AP1AR: variants seen among roughly 807,000 people sequenced by gnomAD.
AP1AR encodes adaptor related protein complex 1 associated regulatory protein.
AP1AR carries 29 observed loss-of-function variants against 46.3 expected under a neutral mutation model. That is an observed-to-expected ratio of 0.63 (90% confidence interval 0.47 to 0.85). AP1AR has a LOEUF of 0.85. Ranked by LOEUF, AP1AR falls within the 40% of genes least tolerant of loss-of-function variation. The pLI, the probability that AP1AR is intolerant of heterozygous loss-of-function variation, is 0.00. For synonymous variants in AP1AR, 122 were observed against 122.9 expected (o/e 0.99, Z 0.05); for missense variants, 357 against 356.3 (o/e 1.00, Z -0.02).
intron 1 of AP1AR, among the ~76,000 whole-genome samples, chr4:112,240,288 TTG>T (rs1465987540): frequency 6.6e-6 from 1 of 152,258 alleles, no homozygotes; most frequent in Admixed American, 6.5e-5. Flanking sequence ...TTCACTCATC[TTG>T]TAGATGCCAG....
At chr4:112,265,350 G>C (rs369918864) in intron 7 of AP1AR, 2 of 370,088 alleles carry the variant, frequency 5.4e-6, no homozygotes, top group East Asian at 4.7e-5. Flanking sequence ...TTATACCCCA[G>C]TTGTTTGTGT....
At chr4:112,264,544 GTTC>G (rs1216709806) in intron 6 of AP1AR, among the ~76,000 whole-genome samples, 1 of 152,112 alleles carries the variant, frequency 6.6e-6, no homozygotes, top group Non-Finnish European at 1.5e-5. Flanking sequence ...ACTCCCAACA[GTTC>G]TTCTAAATCT....
At chr4:112,234,296 G>GAGT (rs778357770) in intron 1 of AP1AR, among the ~76,000 whole-genome samples, 8 of 152,146 alleles carry the variant, frequency 5.3e-5, no homozygotes, top group Admixed American at 2.6e-4. Flanking sequence ...CATTTTCTTT[G>GAGT]AGTAACATGT....
intron 1 of AP1AR, among the ~76,000 whole-genome samples, chr4:112,246,537 G>A (rs1005663533): frequency 1.3e-5 from 2 of 152,112 alleles, no homozygotes; most frequent in African/African-American, 4.8e-5. Flanking sequence ...AATTTTGTTT[G>A]GGCAACCACA....
At chr4:112,261,703 G>C (rs1726449185) in intron 5 of AP1AR, among the ~76,000 whole-genome samples, 1 of 151,732 alleles carries the variant, frequency 6.6e-6, no homozygotes, top group African/African-American at 2.4e-5. Context: ...CAGCACTTTG[G>C]GAGACCTGTA....
At chr4:112,260,714 C>T in intron 4 of AP1AR, 52 bp from the exon 5 acceptor site, 7 of 1,195,972 alleles carry the variant, frequency 5.9e-6, no homozygotes, top group Non-Finnish European at 8.2e-6. Flanking sequence ...TGGACTTAGA[C>T]TCATCAGAAG....
chr4:112,232,197 C>CCGGCCCCCGTGGCTCCTCCTCTT (rs1725037751), intron 1 of AP1AR, 23 bp downstream of exon 1: 7 of 1,265,480 alleles, frequency 5.5e-6, no homozygotes, highest in Non-Finnish European at 6.0e-6. Flanking sequence ...GGGGAGGGGC[C>CCGGCCCCCGTGGCTCCTCCTCTT]CGGCCCCCGT....
At chr4:112,245,224 C>T (rs1446468567) in intron 1 of AP1AR, among the ~76,000 whole-genome samples, 1 of 152,032 alleles carries the variant, frequency 6.6e-6, no homozygotes, top group Non-Finnish European at 1.5e-5. Context: ...ATGTTTTATG[C>T]ATAATACAAT....
At chr4:112,245,182 C>T (rs547486599) in intron 1 of AP1AR, among the ~76,000 whole-genome samples, 4 of 152,020 alleles carry the variant, frequency 2.6e-5, no homozygotes, top group African/African-American at 9.7e-5. Flanking sequence ...TAGTGAAAAT[C>T]TTTTTATGAA....
intron 1 of AP1AR, among the ~76,000 whole-genome samples, chr4:112,249,372 T>A (rs948054779): frequency 3.5e-4 from 46 of 131,292 alleles, no homozygotes; most frequent in African/African-American, 1.4e-3. Flanking sequence ...AAAAAAAAAA[T>A]GTATAGGCTT....
chr4:112,243,623 TTTCTA>T (rs1725599908), intron 1 of AP1AR, among the ~76,000 whole-genome samples: 1 of 152,236 alleles, frequency 6.6e-6, no homozygotes, highest in African/African-American at 2.4e-5. Context: ...AAGTCATTCA[TTTCTA>T]TTCCTGTGCA....
At position 112,268,129 on chromosome 4, in the gene AP1AR, C is replaced by G. The variant is rs771638682; in HGVS notation, c.644-15C>G. 1.1e-5 allele frequency: 16 copies of G among 1,509,250 alleles called. No individual in the cohort carries two copies. The highest frequency in any genetic ancestry group is 1.4e-5 in the Non-Finnish European group (16 of 1,131,164). 93.5% of individuals were successfully genotyped at this position (1,509,250 alleles called of 1,614,324 possible). A position where few individuals can be genotyped will look rare whatever the true frequency, so the allele number is the denominator to read the frequency against. ...ATCTGTTCTGAGATTTTTGAAAACT[C>G]TGTTCAAATCATAGGAATGAATAGA... On this transcript the variant is annotated splice_polypyrimidine_tract_variant and intron_variant, in intron 9 of 9. Transcript: ENST00000274000.
intron 4 of AP1AR, among the ~76,000 whole-genome samples, chr4:112,258,330 T>C (rs1254648074): frequency 6.6e-6 from 1 of 152,250 alleles, no homozygotes; most frequent in Admixed American, 6.5e-5. Flanking sequence ...TTACTTTTTT[T>C]AGTTTAGCAA....
intron 3 of AP1AR, 94 bp from the exon 4 acceptor site, chr4:112,257,678 G>C: frequency 1.1e-6 from 1 of 934,238 alleles, no homozygotes; most frequent in South Asian, 1.8e-5. Context: ...TGGGTAAGTT[G>C]AAAGTATTTA....
rs900325585 is a variant in AP1AR at position 112,232,293 on chromosome 4, C to T, written c.83+119C>T. The T allele has an allele frequency of 2.0e-5, 17 of 835,932 alleles. No individual in the cohort carries two copies. The African/African-American group carries it at 2.3e-4, about 11-fold the overall frequency. 51.8% of individuals were successfully genotyped at this position (835,932 alleles called of 1,614,324 possible). ...TGGCGGTCGAGAGCCCTGCTACACT[C>T]ACTGCTTAGCAGACGTCAGACTGGT... On this transcript the variant is annotated intron_variant, in intron 1 of 9. Coordinates refer to ENST00000274000, the MANE Select transcript of AP1AR (RefSeq NM_018569.6).
At chr4:112,242,107 C>T (rs895414950) in intron 1 of AP1AR, among the ~76,000 whole-genome samples, 1 of 152,178 alleles carries the variant, frequency 6.6e-6, no homozygotes, top group African/African-American at 2.4e-5. Context: ...ACTTAAGTCA[C>T]TTTGATATGA....
At chr4:112,249,605 C>T (rs1467459693) in intron 1 of AP1AR, among the ~76,000 whole-genome samples, 3 of 151,912 alleles carry the variant, frequency 2.0e-5, no homozygotes, top group African/African-American at 7.2e-5. Flanking sequence ...TGCAGTGAGT[C>T]GAGATCCAGC....
At chr4:112,234,216 G>C (rs910043093) in intron 1 of AP1AR, among the ~76,000 whole-genome samples, 2 of 152,198 alleles carry the variant, frequency 1.3e-5, no homozygotes, top group South Asian at 2.1e-4. Context: ...TTTTTATTCA[G>C]ATTTTGGAAT....
chr4:112,253,685 TACC>T (rs993088922), intron 2 of AP1AR, among the ~76,000 whole-genome samples: 2 of 152,202 alleles, frequency 1.3e-5, no homozygotes, highest in Non-Finnish European at 2.9e-5. Flanking sequence ...ATTTATTCCT[TACC>T]TACTATAAAC....
Sources: gnomAD v4.1 joint callset for allele counts (sites outside exome capture counted in the v4.1 genomes callset) on GRCh38, gnomAD v4.1.1 for gene constraint, MANE v1.5 for transcripts, NCBI Gene and HGNC (gene_info 2026-07-23, HGNC 2026-07-21) for gene names.